The following FBXW7 variants were observed in gnomAD, a reference collection of about 807,000 sequenced individuals.
FBXW7 encodes F-box/WD repeat-containing protein 7.
In FBXW7, 11 loss-of-function variants were observed where a neutral mutation model predicts 86.3. The ratio of observed to expected loss-of-function variants is 0.13; its 90% confidence interval spans 0.08 to 0.21. The LOEUF is 0.21. Among genes scored for constraint, FBXW7 ranks in the 10% least tolerant of loss-of-function variants. FBXW7 has a pLI of 1.00. For synonymous variants in FBXW7, 313 were observed against 297.9 expected, an observed-to-expected ratio of 1.05 and a Z score of -0.52; for missense variants, 488 against 847.4, an observed-to-expected ratio of 0.58 and a Z score of 5.27.
At chr4:152,385,018 C>A (rs1735412506) in intron 4 of FBXW7, among the ~76,000 whole-genome samples, 1 of 152,016 alleles carries the variant, frequency 6.6e-6, no homozygotes, top group African/African-American at 2.4e-5. Context: ...GTCCTTCTCT[C>A]ATTAGACAAT....
intron 2 of FBXW7, among the ~76,000 whole-genome samples, chr4:152,417,371 TCTTCTTC>T (rs1336987231): frequency 2.0e-5 from 3 of 152,186 alleles, no homozygotes; most frequent in Non-Finnish European, 2.9e-5. Flanking sequence ...CCCAGATGGC[TCTTCTTC>T]CTTCTTTTCC....
rs148172713 is a variant in FBXW7, at chr4:152,340,463, C to T, written c.727-2527G>A. Among the ~76,000 whole-genome samples, 1,007 of 150,820 alleles carry T rather than the reference C, an allele frequency of 6.7e-3. 9 individuals carry two copies. Among genetic ancestry groups the T allele is most frequent in the African/African-American group, 0.023 (927 of 41,032 alleles). On this transcript the variant is annotated intron_variant, in intron 6 of 13. Coordinates refer to ENST00000281708, the MANE Select transcript of FBXW7 (RefSeq NM_001349798.2). ...GCATCGTGGCGGGCGCCTGTAGTCC[C>T]GGCGACTTGGGAGGCTGATGTAGGA...
intron 2 of FBXW7, among the ~76,000 whole-genome samples, chr4:152,469,443 T>A (rs1346595080): frequency 6.6e-6 from 1 of 152,082 alleles, no homozygotes; most frequent in Non-Finnish European, 1.5e-5. Flanking sequence ...TACAGACACC[T>A]ACAAAATTTT....
At chr4:152,373,628 A>AC (rs1244507148) in intron 4 of FBXW7, among the ~76,000 whole-genome samples, 7 of 152,012 alleles carry the variant, frequency 4.6e-5, no homozygotes, top group Non-Finnish European at 8.8e-5. Flanking sequence ...TCCTCTGATC[A>AC]CCTACTTAGC....
chr4:152,396,488 T>C (rs967977835), intron 4 of FBXW7, among the ~76,000 whole-genome samples: 2 of 152,046 alleles, frequency 1.3e-5, no homozygotes, highest in Non-Finnish European at 1.5e-5. Context: ...AAGTTTTAAC[T>C]AGCAAGCCAG....
chr4:152,440,103 A>G (rs1313431734), intron 2 of FBXW7, among the ~76,000 whole-genome samples: 1 of 152,220 alleles, frequency 6.6e-6, no homozygotes. Context: ...AAATTAGGCA[A>G]TAACAAATAC....
At chr4:152,348,718 A>T (rs556127437) in intron 5 of FBXW7, 9 of 1,170,618 alleles carry the variant, frequency 7.7e-6, no homozygotes, top group African/African-American at 3.2e-5. Context: ...TGATACATTT[A>T]AAAAATAGCA....
chr4:152,478,417 C>T (rs554782336), intron 2 of FBXW7, among the ~76,000 whole-genome samples: 2 of 152,180 alleles, frequency 1.3e-5, no homozygotes, highest in South Asian at 4.1e-4. Flanking sequence ...GTATTTATGG[C>T]TGAATAATAT....
At chr4:152,448,118 A>G (rs540135820) in intron 2 of FBXW7, among the ~76,000 whole-genome samples, 46 of 152,366 alleles carry the variant, frequency 3.0e-4, no homozygotes, top group African/African-American at 1.0e-3. Flanking sequence ...TCTTTAAAAT[A>G]AGTGCTGCTG....
rs577999975 is a variant in FBXW7 at position 152,417,677 on chromosome 4, A to G, written c.-119-5148T>C. Among the ~76,000 whole-genome samples the G allele has an allele frequency of 2.2e-4, 33 of 152,244 alleles. 1 individual carries two copies. In the South Asian group the frequency reaches 3.7e-3, roughly 17 times the overall value. ...GCGTAACACAGTAAAGAGTGTCCAC[A>G]TGAGGGAAAGATGTCAAAGGCTGAA... On this transcript the variant is annotated intron_variant, in intron 2 of 13. Coordinates refer to ENST00000281708, the MANE Select transcript of FBXW7 (RefSeq NM_001349798.2).
intron 2 of FBXW7, among the ~76,000 whole-genome samples, chr4:152,512,822 T>A (rs552489671): frequency 3.2e-4 from 48 of 152,324 alleles, no homozygotes; most frequent in African/African-American, 1.1e-3. Context: ...TGATAATTAC[T>A]GCACAACTGT....
Position 152,365,539 on chromosome 4 carries a change from T to C in FBXW7, c.502-15415A>G, listed in dbSNP as rs150363527. 4.6e-5 allele frequency among the ~76,000 whole-genome samples: 7 copies of C among 152,148 alleles called. No individual in the cohort carries two copies. The East Asian group carries it at 1.4e-3, about 29-fold the overall frequency. Reference sequence around the variant, plus strand: ...AGAGACATTTAGGACATCAAACTGATAGGATAGTAACAGATGGGTCATGCA... The same window carrying C: ...AGAGACATTTAGGACATCAAACTGACAGGATAGTAACAGATGGGTCATGCA... On this transcript the variant is annotated intron_variant, in intron 4 of 13. Coordinates refer to ENST00000281708, the MANE Select transcript of FBXW7 (RefSeq NM_001349798.2).
At chr4:152,477,648 C>T (rs558908509) in intron 2 of FBXW7, among the ~76,000 whole-genome samples, 5 of 152,194 alleles carry the variant, frequency 3.3e-5, no homozygotes, top group Non-Finnish European at 5.9e-5. Context: ...AACATTTTTG[C>T]ATTTTTAGGA....
chr4:152,408,273 T>G (rs1162356288), intron 4 of FBXW7, among the ~76,000 whole-genome samples: 1 of 152,208 alleles, frequency 6.6e-6, no homozygotes, highest in Non-Finnish European at 1.5e-5. Flanking sequence ...AGTAGAAAAT[T>G]AGTTGATATT....
intron 2 of FBXW7, among the ~76,000 whole-genome samples, chr4:152,532,277 C>T (rs1462319303): frequency 6.6e-6 from 1 of 152,196 alleles, no homozygotes; most frequent in African/African-American, 2.4e-5. Context: ...TAAGCATCTT[C>T]TTTTTCACTC....
At chr4:152,499,672 T>G (rs184880980) in intron 2 of FBXW7, among the ~76,000 whole-genome samples, 1 of 152,228 alleles carries the variant, frequency 6.6e-6, no homozygotes. Context: ...GGCAGCCTCC[T>G]GAGCAGCCAG....
Position 152,520,364 on chromosome 4 carries a change from C to T in FBXW7, c.-120+14577G>A, listed in dbSNP as rs561770931. ...AGGAGAATGGCGTGAACCCGGGAAG[C>T]GGAGCTTGCAGTGAGCCGAGATTGC... On this transcript the variant is annotated intron_variant, in intron 2 of 13. Coordinates refer to ENST00000281708, the MANE Select transcript of FBXW7 (RefSeq NM_001349798.2). Among the ~76,000 whole-genome samples, 81 of 148,118 alleles carry T rather than the reference C, an allele frequency of 5.5e-4. No homozygotes were observed. In the South Asian group the frequency reaches 8.8e-3, roughly 16 times the overall value.
chr4:152,504,870 A>C (rs920279456), intron 2 of FBXW7, among the ~76,000 whole-genome samples: 4 of 152,192 alleles, frequency 2.6e-5, no homozygotes, highest in Non-Finnish European at 4.4e-5. Flanking sequence ...ATCAGGCTAA[A>C]TATCTTAAAA....
rs2126456210 is a variant in FBXW7 at position 152,322,838 on chromosome 4, G to A, written c.*43C>T. On this transcript the variant is annotated 3_prime_UTR_variant, in exon 14 of 14. Transcript: ENST00000281708. Reference sequence around the variant, plus strand: ...CTTTTTGCAGGGGGAAGGGCAGGGAGTATATCGTCTACACAATTGGACAAA... The same window carrying A: ...CTTTTTGCAGGGGGAAGGGCAGGGAATATATCGTCTACACAATTGGACAAA... The A allele has an allele frequency of 1.9e-6, 3 of 1,607,884 alleles. No homozygotes were observed. Among genetic ancestry groups the A allele is most frequent in the Non-Finnish European group, 2.6e-6 (3 of 1,175,322 alleles).
Sources: gnomAD v4.1 joint callset for allele counts (sites outside exome capture counted in the v4.1 genomes callset) on GRCh38, gnomAD v4.1.1 for gene constraint, MANE v1.5 for transcripts, NCBI Gene and HGNC (gene_info 2026-07-23, HGNC 2026-07-21) for gene names.